The following KCNH8 variants were observed in gnomAD, a reference collection of about 807,000 sequenced individuals.
The protein encoded by KCNH8 is potassium voltage-gated channel subfamily H member 8.
Under a neutral mutation model 103.6 loss-of-function variants are expected in KCNH8, and 70 were observed. That is an observed-to-expected ratio of 0.68 (90% confidence interval 0.56 to 0.82). The LOEUF (loss-of-function observed/expected upper bound fraction) is 0.82, where lower values mean the gene tolerates loss of function less well. Ranked by LOEUF, KCNH8 falls within the 40% of genes least tolerant of loss-of-function variation. KCNH8 has a pLI of 0.00. For missense variants in KCNH8, 1,217 were observed against 1,329.9 expected (o/e 0.92, Z 1.32); for synonymous variants, 498 against 489.4 (o/e 1.02, Z -0.23).
At chr3:19,268,162 T>G (rs2064539014) in intron 2 of KCNH8, among the ~76,000 whole-genome samples, 1 of 152,084 alleles carries the variant, frequency 6.6e-6, no homozygotes, top group Non-Finnish European at 1.5e-5. Context: ...TACCTTATGG[T>G]CTATTAAGAG....
intron 3 of KCNH8, among the ~76,000 whole-genome samples, chr3:19,301,823 T>C (rs1026766615): frequency 2.0e-5 from 3 of 152,206 alleles, no homozygotes; most frequent in African/African-American, 7.2e-5. Context: ...CTCTGAAGGT[T>C]TGATAATTTG....
chr3:19,169,073 A>G (rs2063312693), intron 1 of KCNH8, among the ~76,000 whole-genome samples: 1 of 152,052 alleles, frequency 6.6e-6, no homozygotes, highest in Non-Finnish European at 1.5e-5. Flanking sequence ...AACATTATAT[A>G]ATTGTCACTG....
intron 7 of KCNH8, among the ~76,000 whole-genome samples, chr3:19,406,217 A>G (rs913760853): frequency 6.6e-6 from 1 of 152,114 alleles, no homozygotes; most frequent in Non-Finnish European, 1.5e-5. Context: ...GTTTTATACC[A>G]TTAAAGTATA....
intron 7 of KCNH8, 81 bp from the exon 8 acceptor site, chr3:19,438,083 G>A: frequency 9.1e-7 from 1 of 1,101,366 alleles, no homozygotes; most frequent in Non-Finnish European, 1.4e-6. Flanking sequence ...CTCCCCAAAT[G>A]TTCATTTATC....
intron 11 of KCNH8, among the ~76,000 whole-genome samples, chr3:19,496,102 G>A (rs1324178139): frequency 6.6e-6 from 1 of 152,156 alleles, no homozygotes; most frequent in African/African-American, 2.4e-5. Context: ...TTTGGGCAGA[G>A]ACTATGGGGT....
chr3:19,410,907 A>T (rs1446169188), intron 7 of KCNH8, among the ~76,000 whole-genome samples: 1 of 151,080 alleles, frequency 6.6e-6, no homozygotes, highest in Non-Finnish European at 1.5e-5. Flanking sequence ...CCTGGACCAG[A>T]TGAGTTTACC....
intron 6 of KCNH8, among the ~76,000 whole-genome samples, chr3:19,392,802 T>C (rs565437063): frequency 6.6e-6 from 1 of 152,142 alleles, no homozygotes; most frequent in South Asian, 2.1e-4. Flanking sequence ...GAATAAGACA[T>C]AGGAATGTTG....
rs879354879 is a variant in KCNH8, at chr3:19,251,653, A to G, written c.77-2001A>G. ...AAGTAGCTGGAGTACCTTCTTTCCCATGGCAGGAAAGATAGTCTGTCTGCT... is the reference window on the plus strand; with the variant it reads ...AAGTAGCTGGAGTACCTTCTTTCCCGTGGCAGGAAAGATAGTCTGTCTGCT... On this transcript the variant is annotated intron_variant, in intron 1 of 15. Transcript: ENST00000328405. 3.9e-5 allele frequency among the ~76,000 whole-genome samples: 6 copies of G among 152,228 alleles called. No homozygotes were observed. The East Asian group carries it at 1.2e-3, about 30-fold the overall frequency.
chr3:19,362,509 T>A (rs1171932879), intron 5 of KCNH8, among the ~76,000 whole-genome samples: 1 of 152,146 alleles, frequency 6.6e-6, no homozygotes, highest in African/African-American at 2.4e-5. Flanking sequence ...ATTTTATGAT[T>A]TGCATTTAGA....
Position 19,348,594 on chromosome 3 carries a change from A to G in KCNH8, c.811+629A>G, listed in dbSNP as rs563933470. On this transcript the variant is annotated intron_variant, in intron 5 of 15. Coordinates refer to ENST00000328405, the MANE Select transcript of KCNH8 (RefSeq NM_144633.3). ...CTTTTCCTATTTTCCTGTCCCTTAA[A>G]TCTTCATCTTGTTTAGACCAAAGCC... Among the ~76,000 whole-genome samples, 4 of 152,124 alleles carry G rather than the reference A, an allele frequency of 2.6e-5. No homozygotes were observed. The South Asian group carries it at 8.3e-4, about 32-fold the overall frequency.
At chr3:19,372,935 C>A (rs961971487) in intron 5 of KCNH8, among the ~76,000 whole-genome samples, 86 of 151,974 alleles carry the variant, frequency 5.7e-4, no homozygotes, top group African/African-American at 1.9e-3. Context: ...GTATATTGAA[C>A]CAGCCTTGCA....
At chr3:19,296,467 A>G (rs1475683008) in intron 3 of KCNH8, among the ~76,000 whole-genome samples, 1 of 152,254 alleles carries the variant, frequency 6.6e-6, no homozygotes, top group Non-Finnish European at 1.5e-5. Context: ...TTATGAGCAC[A>G]CTGGTTTGTG....
rs146629804 is a variant in KCNH8 at position 19,175,082 on chromosome 3, A to G, written c.76+26287A>G. Among the ~76,000 whole-genome samples, 1,273 of 152,306 alleles carry G rather than the reference A, an allele frequency of 8.4e-3. 22 individuals carry two copies. Among genetic ancestry groups the G allele is most frequent in the Non-Finnish European group, 8.9e-3 (607 of 68,026 alleles). ...TTTTAGAGGATATTTTCACACCAGAAACCAGTATTTTCTGAGTCCAGACTT... is the reference window on the plus strand; with the variant it reads ...TTTTAGAGGATATTTTCACACCAGAGACCAGTATTTTCTGAGTCCAGACTT... On this transcript the variant is annotated intron_variant, in intron 1 of 15. Transcript: ENST00000328405.
In KCNH8 at chr3:19,449,995, T is replaced by C. The variant is rs1028447719; in HGVS notation, c.1376-111T>C. On this transcript the variant is annotated intron_variant, in intron 8 of 15. Coordinates refer to ENST00000328405, the MANE Select transcript of KCNH8 (RefSeq NM_144633.3). Reference sequence around the variant, plus strand: ...CAAAATAGCTGTATCAACATGGCCATGTAACCATGCTCTGCTCTGCTCTGA... The same window carrying C: ...CAAAATAGCTGTATCAACATGGCCACGTAACCATGCTCTGCTCTGCTCTGA... 30 of 852,024 alleles carry C rather than the reference T, an allele frequency of 3.5e-5. No individual in the cohort carries two copies. In the East Asian group the frequency reaches 3.7e-4, roughly 10 times the overall value. The allele number at this position is 852,024 out of a possible 1,614,324, so 52.8% of individuals were successfully genotyped here.
chr3:19,484,392 G>A (rs539065540), intron 11 of KCNH8, among the ~76,000 whole-genome samples: 6 of 152,198 alleles, frequency 3.9e-5, no homozygotes, highest in Non-Finnish European at 7.4e-5. Context: ...TCTTTCATGC[G>A]GGGAAAATCA....
chr3:19,250,635 G>A (rs1211233570), intron 1 of KCNH8, among the ~76,000 whole-genome samples: 1 of 152,074 alleles, frequency 6.6e-6, no homozygotes, highest in Non-Finnish European at 1.5e-5. Context: ...AACATTCTAG[G>A]ACTTATGATA....
chr3:19,371,354 T>C (rs1465081432), intron 5 of KCNH8, among the ~76,000 whole-genome samples: 2 of 152,184 alleles, frequency 1.3e-5, no homozygotes, highest in Non-Finnish European at 2.9e-5. Context: ...ATTTCTCTGA[T>C]GGCCAGTGAT....
intron 5 of KCNH8, among the ~76,000 whole-genome samples, chr3:19,386,272 G>T (rs1005949814): frequency 9.2e-5 from 14 of 152,070 alleles, no homozygotes; most frequent in Admixed American, 7.9e-4. Context: ...ATCATTCTAT[G>T]TAAAACTCAA....
chr3:19,460,558 T>C (rs1313367107), intron 11 of KCNH8, among the ~76,000 whole-genome samples: 1 of 152,176 alleles, frequency 6.6e-6, no homozygotes, highest in Non-Finnish European at 1.5e-5. Context: ...ATCTCTTCTA[T>C]TCTATCTTAC....
Sources: gnomAD v4.1 joint callset for allele counts (sites outside exome capture counted in the v4.1 genomes callset) on GRCh38, gnomAD v4.1.1 for gene constraint, MANE v1.5 for transcripts, NCBI Gene and HGNC (gene_info 2026-07-23, HGNC 2026-07-21) for gene names.